DNAH11: variants seen among roughly 807,000 people sequenced by gnomAD.
DNAH11 encodes dynein axonemal heavy chain 11, also known as axonemal beta dynein heavy chain 11.
Under a neutral mutation model 526.0 loss-of-function variants are expected in DNAH11, and 442 were observed. That is an observed-to-expected ratio of 0.84 (90% CI 0.78 to 0.91). The LOEUF (loss-of-function observed/expected upper bound fraction) is 0.91, where lower values mean the gene tolerates loss of function less well. DNAH11 is among the 40% of genes least tolerant of loss of function. The pLI is 0.00. For synonymous variants in DNAH11, 2,461 were observed against 1,935.9 expected, an observed-to-expected ratio of 1.27 and a Z score of -7.12; for missense variants, 6,989 against 5,448.7, an observed-to-expected ratio of 1.28 and a Z score of -8.90.
Position 21,880,732 on chromosome 7 carries a change from GA to G in DNAH11, c.12227del (p.Glu4076GlyfsTer20). Reference protein sequence around the residue: ...DTLEICSKEQEFKSILFSLCY... With the variant: ...DTLEICSKEQXFKSILFSLCY... ...ACTTGAAATATGCTCCAAGGAGCAG[GA>G]GTTTAAAAGCATCCTTTTTTCTCTC... On this transcript the variant is annotated frameshift_variant, in exon 75 of 82. Coordinates refer to ENST00000409508, the MANE Select transcript of DNAH11 (RefSeq NM_001277115.2). LOFTEE classifies it high-confidence loss of function. The G allele has an allele frequency of 6.2e-7, 1 of 1,613,954 alleles. No homozygotes were observed. The highest frequency in any genetic ancestry group is 8.5e-7 in the Non-Finnish European group (1 of 1,179,894).
intron 14 of DNAH11, among the ~76,000 whole-genome samples, chr7:21,598,532 A>G (rs960302642): frequency 2.6e-5 from 4 of 152,150 alleles, no homozygotes; most frequent in African/African-American, 9.7e-5. Context: ...TCCCTAGTCC[A>G]GTGTTTTCTA....
At chr7:21,758,535 C>T (rs1052633848) in intron 54 of DNAH11, among the ~76,000 whole-genome samples, 1 of 152,018 alleles carries the variant, frequency 6.6e-6, no homozygotes, top group Non-Finnish European at 1.5e-5. Context: ...CCACCTAGAG[C>T]CACCTCATTC....
intron 25 of DNAH11, among the ~76,000 whole-genome samples, chr7:21,623,439 G>A (rs947486987): frequency 0.013 from 1,970 of 152,214 alleles, 27 homozygotes; most frequent in Non-Finnish European, 0.021. Flanking sequence ...TAGAAATACC[G>A]TTTGACCCAG....
In DNAH11 at chr7:21,713,017, A is replaced by G. The variant is rs61238310; in HGVS notation, c.6983+1157A>G. 9.0e-3 allele frequency among the ~76,000 whole-genome samples: 1,367 copies of G among 152,366 alleles called. 126 individuals carry two copies. The East Asian group carries it at 0.21, about 24-fold the overall frequency. On this transcript the variant is annotated intron_variant, in intron 42 of 81. Coordinates refer to ENST00000409508, the MANE Select transcript of DNAH11 (RefSeq NM_001277115.2). The stretch of plus-strand genomic sequence containing the variant: ...AATCACTTAGGTTATGTATGTTTGC[A>G]TGTATGTATACTATCCATACATGAA...
chr7:21,736,315 A>T (rs569893561), intron 46 of DNAH11, among the ~76,000 whole-genome samples: 1 of 152,336 alleles, frequency 6.6e-6, no homozygotes, highest in African/African-American at 2.4e-5. Context: ...TAACTAATCA[A>T]CGTAATCAAA....
chr7:21,730,152 G>A (rs888807062), intron 45 of DNAH11, among the ~76,000 whole-genome samples: 4 of 152,140 alleles, frequency 2.6e-5, no homozygotes, highest in African/African-American at 9.7e-5. Flanking sequence ...AACAAAATTA[G>A]TGAGTCAGAG....
At chr7:21,590,241 T>A (rs1784624439) in intron 12 of DNAH11, among the ~76,000 whole-genome samples, 1 of 152,214 alleles carries the variant, frequency 6.6e-6, no homozygotes, top group Non-Finnish European at 1.5e-5. Context: ...TGTATGTATA[T>A]GCATTGTATA....
chr7:21,597,142 A>G (rs1322840505), intron 14 of DNAH11, among the ~76,000 whole-genome samples: 1 of 61,760 alleles, frequency 1.6e-5, no homozygotes, highest in African/African-American at 5.4e-5. Flanking sequence ...GGCCTGAGTG[A>G]TCATTCAGTT....
rs16872863 is a variant in DNAH11, at chr7:21,724,394, C to A, written c.7267-1417C>A. The stretch of plus-strand genomic sequence containing the variant: ...GCAAACACCGATCACCTCCTTCTGC[C>A]CAGTTTATAGGCCATAATCCAATGA... On this transcript the variant is annotated intron_variant, in intron 44 of 81. Transcript: ENST00000409508. 0.012 allele frequency among the ~76,000 whole-genome samples: 1,887 copies of A among 152,244 alleles called. 174 individuals are homozygous for A. In the East Asian group the frequency reaches 0.25, roughly 20 times the overall value.
intron 63 of DNAH11, among the ~76,000 whole-genome samples, chr7:21,812,612 C>G (rs553118465): frequency 2.6e-5 from 4 of 152,092 alleles, no homozygotes; most frequent in African/African-American, 4.8e-5. Context: ...TATGATGGCA[C>G]CACTGAACTC....
rs186944104 is a variant in DNAH11 at position 21,861,889 on chromosome 7, G to A, written c.11239G>A (p.Ala3747Thr). The change falls in exon 69 of 82, where the codon GCT becomes ACT. Residue 3747 changes from alanine (A) to threonine (T), a missense_variant. By Grantham distance (58) the Ala-to-Thr change is moderately conservative. Transcript: ENST00000409508. ...NVLFHRAIEQ[A>T]DKVEDMQGRI... ...GCTGTTCCACAGAGCGATCGAGCAGGCTGACAAGGTGGAAGACATGCAGGG... is the reference window on the plus strand; with the variant it reads ...GCTGTTCCACAGAGCGATCGAGCAGACTGACAAGGTGGAAGACATGCAGGG... 1.9e-5 allele frequency: 30 copies of A among 1,613,448 alleles called. No individual in the cohort carries two copies. The East Asian group carries it at 6.2e-4, about 34-fold the overall frequency.
At position 21,765,609 on chromosome 7, in the gene DNAH11, GTCACACACACACACACAC is replaced by G; in HGVS notation, c.9102+21_9102+38del. On this transcript the variant is annotated intron_variant, in intron 55 of 81. Transcript: ENST00000409508. ...ATTGAGGTATGCCGTGTCAGCCTGC[GTCACACACACACACACAC>G]ACACACACACACACACACACACACA... The G allele has an allele frequency of 9.6e-7, 1 of 1,046,842 alleles. No individual in the cohort carries two copies. Among genetic ancestry groups the G allele is most frequent in the Non-Finnish European group, 1.3e-6 (1 of 756,804 alleles). 64.8% of individuals were successfully genotyped at this position (1,046,842 alleles called of 1,614,324 possible). A position where few individuals can be genotyped will look rare whatever the true frequency, so the allele number is the denominator to read the frequency against.
At chr7:21,588,703 G>A in intron 11 of DNAH11, 67 bp downstream of exon 11, 1 of 1,558,366 alleles carries the variant, frequency 6.4e-7, no homozygotes, top group Non-Finnish European at 8.8e-7. Context: ...ATATAAGAGA[G>A]TGAGCTGTTC....
At chr7:21,550,655 C>A (rs1012488011) in intron 2 of DNAH11, among the ~76,000 whole-genome samples, 2 of 152,096 alleles carry the variant, frequency 1.3e-5, no homozygotes, top group African/African-American at 2.4e-5. Flanking sequence ...GTGAGATAAT[C>A]CCATTTAATT....
At chr7:21,590,042 T>C (rs762320376) in intron 12 of DNAH11, among the ~76,000 whole-genome samples, 5 of 152,186 alleles carry the variant, frequency 3.3e-5, no homozygotes, top group Admixed American at 1.3e-4. Context: ...TTATCTTTAT[T>C]GAACAGGTCT....
chr7:21,543,799 AG>A (rs1249588165), intron 1 of DNAH11: 1 of 601,618 alleles, frequency 1.7e-6, no homozygotes, highest in African/African-American at 1.9e-5. Flanking sequence ...TAGTTTCCTA[AG>A]TCAGCAGTTT....
At chr7:21,779,437 A>G (rs1006738576) in intron 57 of DNAH11, among the ~76,000 whole-genome samples, 1 of 152,188 alleles carries the variant, frequency 6.6e-6, no homozygotes, top group African/African-American at 2.4e-5. Context: ...AAAGGTTTCC[A>G]CTTTTTAGGC....
intron 66 of DNAH11, among the ~76,000 whole-genome samples, chr7:21,850,518 A>G (rs1782589334): frequency 6.7e-6 from 1 of 149,072 alleles, no homozygotes; most frequent in African/African-American, 2.6e-5. Context: ...CCGTTAGCAC[A>G]TTAAGTAGTT....
intron 27 of DNAH11, among the ~76,000 whole-genome samples, chr7:21,638,691 G>GGGGT (rs71026809): frequency 4.9e-5 from 7 of 144,118 alleles, no homozygotes; most frequent in Admixed American, 1.4e-4. Context: ...CAGCTAATGG[G>GGGGT]GTGTGTGTGT....
Sources: gnomAD v4.1 joint callset for allele counts (sites outside exome capture counted in the v4.1 genomes callset) on GRCh38, gnomAD v4.1.1 for gene constraint, MANE v1.5 for transcripts, NCBI Gene and HGNC (gene_info 2026-07-23, HGNC 2026-07-21) for gene names.